Variants in RASGRF2 observed in about 807,000 individuals in gnomAD.
RASGRF2 encodes Ras protein specific guanine nucleotide releasing factor 2.
Under a neutral mutation model 151.0 loss-of-function variants are expected in RASGRF2, and 76 were observed. That is an observed-to-expected ratio of 0.50 (90% CI 0.42 to 0.61). The LOEUF (loss-of-function observed/expected upper bound fraction) is 0.61. Ranked by LOEUF, RASGRF2 falls within the 20% of genes least tolerant of loss-of-function variation. RASGRF2 has a pLI of 0.00. For missense variants in RASGRF2, 1,148 were observed against 1,564.6 expected (o/e 0.73, Z 4.49); for synonymous variants, 504 against 566.5 (o/e 0.89, Z 1.57).
intron 1 of RASGRF2, among the ~76,000 whole-genome samples, chr5:80,970,668 T>C (rs985491154): frequency 1.3e-5 from 2 of 152,224 alleles, no homozygotes; most frequent in Non-Finnish European, 2.9e-5. Flanking sequence ...TCTTGTGAGA[T>C]AGAATCTGAT....
chr5:81,101,229 A>G (rs960977786), intron 12 of RASGRF2, among the ~76,000 whole-genome samples: 12 of 152,230 alleles, frequency 7.9e-5, no homozygotes, highest in African/African-American at 2.2e-4. Flanking sequence ...AGTGAACTGT[A>G]TACAGGCACC....
chr5:81,130,418 A>G (rs901248461), intron 17 of RASGRF2, among the ~76,000 whole-genome samples: 3 of 152,146 alleles, frequency 2.0e-5, no homozygotes, highest in Non-Finnish European at 2.9e-5. Context: ...AGTGGCGGTA[A>G]GAAAGGGGGT....
chr5:81,088,523 A>G (rs1277919685), intron 9 of RASGRF2: 1 of 152,160 alleles, frequency 6.6e-6, no homozygotes, highest in Non-Finnish European at 1.5e-5. Context: ...TGTTACAGAT[A>G]CCTGGAAAAT....
rs572149657 is a variant in RASGRF2 at position 81,053,656 on chromosome 5, A to C, written c.395+10673A>C. 1.9e-3 allele frequency among the ~76,000 whole-genome samples: 295 copies of C among 152,204 alleles called. No individual in the cohort carries two copies. The East Asian group carries it at 0.047, about 24-fold the overall frequency. On this transcript the variant is annotated intron_variant, in intron 2 of 26. Transcript: ENST00000265080. ...ATATATACCCAGTAATGGGATGACT[A>C]GGTCAAATGGTATTTCTAGTTCTAG...
intron 10 of RASGRF2, among the ~76,000 whole-genome samples, chr5:81,094,051 C>A (rs412974): frequency 6.6e-6 from 1 of 151,910 alleles, no homozygotes; most frequent in Non-Finnish European, 1.5e-5. Flanking sequence ...TCCCATCAGC[C>A]GACTTGCTAA....
At position 81,061,267 on chromosome 5, in the gene RASGRF2, G is replaced by A. The variant is rs149638485; in HGVS notation, c.396-6765G>A. Among the ~76,000 whole-genome samples, 823 of 151,540 alleles carry A rather than the reference G, an allele frequency of 5.4e-3. 6 individuals carry two copies. The highest frequency in any genetic ancestry group is 0.017 in the African/African-American group (715 of 41,336). ...GAACATTTTGTTTCTTTTGTATCTC[G>A]TTGTGCAAGTGTCAGATTATTTTTC... On this transcript the variant is annotated intron_variant, in intron 2 of 26. Coordinates refer to ENST00000265080, the MANE Select transcript of RASGRF2 (RefSeq NM_006909.3).
chr5:80,965,740 C>T (rs1486110091), intron 1 of RASGRF2, among the ~76,000 whole-genome samples: 1 of 152,062 alleles, frequency 6.6e-6, no homozygotes, highest in Admixed American at 6.5e-5. Context: ...GATGACAAGA[C>T]CTAAAGCATG....
intron 2 of RASGRF2, among the ~76,000 whole-genome samples, chr5:81,045,196 C>G (rs1750798754): frequency 6.6e-6 from 1 of 152,176 alleles, no homozygotes; most frequent in Non-Finnish European, 1.5e-5. Context: ...CAGACACAAT[C>G]TTTTCCTTTC....
chr5:81,143,014 G>A (rs2112604378), intron 17 of RASGRF2, among the ~76,000 whole-genome samples: 1 of 151,888 alleles, frequency 6.6e-6, no homozygotes, highest in Non-Finnish European at 1.5e-5. Flanking sequence ...AGTTTTCTGT[G>A]GTGAAAAATA....
intron 1 of RASGRF2, among the ~76,000 whole-genome samples, chr5:81,024,476 T>C (rs1322841795): frequency 6.6e-6 from 1 of 151,840 alleles, no homozygotes; most frequent in Non-Finnish European, 1.5e-5. Context: ...GCCAGGCTGG[T>C]CTTGAACTCC....
chr5:80,970,256 T>C (rs2112215982), intron 1 of RASGRF2, among the ~76,000 whole-genome samples: 1 of 152,360 alleles, frequency 6.6e-6, no homozygotes, highest in East Asian at 1.9e-4. Context: ...ATCAAGTGTG[T>C]AGTTGGCTTT....
At chr5:81,184,265 G>T (rs1754977441) in intron 18 of RASGRF2, among the ~76,000 whole-genome samples, 1 of 152,142 alleles carries the variant, frequency 6.6e-6, no homozygotes, top group African/African-American at 2.4e-5. Flanking sequence ...CTGCTGGGAG[G>T]CCTTACATAT....
At chr5:80,971,682 C>T (rs1302194558) in intron 1 of RASGRF2, among the ~76,000 whole-genome samples, 1 of 151,678 alleles carries the variant, frequency 6.6e-6, no homozygotes, top group Non-Finnish European at 1.5e-5. Flanking sequence ...TCTCCCATCT[C>T]AGCCCCCCAA....
intron 19 of RASGRF2, among the ~76,000 whole-genome samples, chr5:81,203,370 C>T (rs1331104003): frequency 6.6e-6 from 1 of 152,190 alleles, no homozygotes; most frequent in Non-Finnish European, 1.5e-5. Flanking sequence ...CCTCAAGACG[C>T]CCATGCCAGA....
At chr5:81,035,638 T>A (rs1750463066) in intron 1 of RASGRF2, among the ~76,000 whole-genome samples, 1 of 151,622 alleles carries the variant, frequency 6.6e-6, no homozygotes, top group African/African-American at 2.4e-5. Flanking sequence ...AAAAAACAAC[T>A]TAATAGACTG....
chr5:81,219,800 G>T (rs777352313), intron 26 of RASGRF2, 22 bp downstream of exon 26: 5 of 1,550,054 alleles, frequency 3.2e-6, no homozygotes, highest in East Asian at 2.3e-5. Flanking sequence ...TGGCTGTGAA[G>T]AAATTAATAA....
intron 2 of RASGRF2, among the ~76,000 whole-genome samples, chr5:81,050,569 C>G (rs1750979912): frequency 1.3e-5 from 2 of 152,106 alleles, no homozygotes; most frequent in South Asian, 4.1e-4. Context: ...CCCCTTATGT[C>G]CTGGGCTCCA....
Position 81,113,790 on chromosome 5 carries a change from CA to C in RASGRF2, c.2341del (p.Thr781LeufsTer22). On this transcript the variant is annotated frameshift_variant, in exon 15 of 27. Coordinates refer to ENST00000265080, the MANE Select transcript of RASGRF2 (RefSeq NM_006909.3). LOFTEE classifies it high-confidence loss of function. ...QSPAASPPPH[T>X]GQIPLDLSRG... ...GTCCCGCTGCGTCTCCACCACCACA[CA>C]CTGGTCAGATACCACTGGATCTCAG... The C allele has an allele frequency of 6.2e-7, 1 of 1,614,196 alleles. No homozygotes were observed. The highest frequency in any genetic ancestry group is 8.5e-7 in the Non-Finnish European group (1 of 1,180,034).
intron 17 of RASGRF2, among the ~76,000 whole-genome samples, chr5:81,133,007 C>T (rs1345084799): frequency 6.6e-6 from 1 of 152,106 alleles, no homozygotes; most frequent in African/African-American, 2.4e-5. Flanking sequence ...CTTGGAATCG[C>T]AACAGCTACA....
Sources: allele counts gnomAD v4.1 joint callset (sites outside exome capture counted in the v4.1 genomes callset), GRCh38; gene constraint gnomAD v4.1.1; transcripts MANE v1.5; gene names NCBI Gene and HGNC (gene_info 2026-07-23, HGNC 2026-07-21).